SCN9A: variants seen among roughly 807,000 people sequenced by gnomAD.
SCN9A encodes the protein sodium voltage-gated channel alpha subunit 9.
In SCN9A, 131 loss-of-function variants were observed where a neutral mutation model predicts 187.0. The observed-to-expected ratio is 0.70, with a 90% CI of 0.61 to 0.81. SCN9A has a LOEUF of 0.81. SCN9A is among the 30% of genes least tolerant of loss of function. SCN9A has a pLI of 0.00. For synonymous variants in SCN9A, 809 were observed against 808.6 expected, an observed-to-expected ratio of 1.00 and a Z score of -0.01; for missense variants, 2,252 against 2,396.6, an observed-to-expected ratio of 0.94 and a Z score of 1.26.
chr2:166,358,094 A>G (rs1700194825), intron 1 of SCN9A, among the ~76,000 whole-genome samples: 1 of 149,180 alleles, frequency 6.7e-6, no homozygotes, highest in African/African-American at 2.5e-5. Flanking sequence ...TTTGAGATGG[A>G]GTCGCTCTCT....
intron 1 of SCN9A, among the ~76,000 whole-genome samples, chr2:166,313,064 T>A (rs1444806757): frequency 6.7e-6 from 1 of 148,770 alleles, no homozygotes; most frequent in African/African-American, 2.4e-5. Flanking sequence ...TATAATTATT[T>A]AATTTTCTGA....
At chr2:166,274,750 C>A (rs1377790718) in intron 16 of SCN9A, among the ~76,000 whole-genome samples, 1 of 152,038 alleles carries the variant, frequency 6.6e-6, no homozygotes, top group Non-Finnish European at 1.5e-5. Context: ...ACCAATATAT[C>A]CCCTCTGTTT....
chr2:166,275,352 C>T (rs11896007), intron 16 of SCN9A, among the ~76,000 whole-genome samples: 14,014 of 151,688 alleles, frequency 0.092, 766 homozygotes, highest in Middle Eastern at 0.14. Flanking sequence ...TGGGAGGCGA[C>T]GGAGGCTGGA....
At position 166,304,309 on chromosome 2, in the gene SCN9A, T is replaced by A; in HGVS notation, c.617A>T (p.Asn206Ile). 6.2e-7 allele frequency: 1 copy of A among 1,613,182 alleles called. No homozygotes were observed. The change falls in exon 6 of 27, where the codon AAC (asparagine) becomes ATC (isoleucine). Residue 206 changes from asparagine (N) to isoleucine (I), a missense_variant. Coordinates refer to ENST00000642356, the MANE Select transcript of SCN9A (RefSeq NM_001365536.1). Reference protein sequence around the residue: ...IVFAYLTEFVNLGNVSALRTF... With the variant: ...IVFAYLTEFVILGNVSALRTF... ...TCGAAGAGCTGAAACATTGCCTAGG[T>A]TTACAAATTCTGTTAAATACCTGTA...
At position 166,204,189 on chromosome 2, in the gene SCN9A, T is replaced by C; in HGVS notation, c.4540A>G (p.Asn1514Asp). 1 of 1,612,412 alleles carries C rather than the reference T, an allele frequency of 6.2e-7. No homozygotes were observed. Among genetic ancestry groups the C allele is most frequent in the South Asian group, 1.1e-5 (1 of 90,968 alleles). Residue 1514 changes from asparagine (N) to aspartate (D), a missense_variant, in exon 26 of 27, where the codon AAT (asparagine) becomes GAT (aspartate). Coordinates refer to ENST00000642356, the MANE Select transcript of SCN9A (RefSeq NM_001365536.1). ...ATGATACTAATATCAAAGGCTTGAT[T>C]TGTCACTAGGTCAAATATACATCCT... ...IQGCIFDLVT[N>D]QAFDISIMVL...
At chr2:166,347,043 A>G (rs1311256532) in intron 1 of SCN9A, among the ~76,000 whole-genome samples, 34 of 152,136 alleles carry the variant, frequency 2.2e-4, no homozygotes, top group Admixed American at 2.2e-3. Context: ...CTCCACATCA[A>G]TTTGCTGACA....
chr2:166,198,841 G>C lies in SCN9A; in HGVS notation c.5798C>G (p.Ala1933Gly). The C allele has an allele frequency of 6.2e-7, 1 of 1,613,562 alleles. No individual in the cohort carries two copies. The highest frequency in any genetic ancestry group is 1.1e-5 in the South Asian group (1 of 91,052). ...TGAGTTCTCATTAACATTATCAAAA[G>C]CCATATCTTTTTTATTGAGTAAATC... ...DDDLLNKKDM[A>G]FDNVNENSSP... Residue 1933 changes from alanine to glycine, a missense_variant, in exon 27 of 27, where the codon GCT becomes GGT. Around this residue, in one of 7 missense-constraint regions of SCN9A, gnomAD observed 345 missense variants for 344.6 expected, o/e 1.00. Coordinates refer to ENST00000642356, the MANE Select transcript of SCN9A (RefSeq NM_001365536.1).
At chr2:166,304,139 T>C in intron 6 of SCN9A, 99 bp downstream of exon 6, 1 of 1,613,216 alleles carries the variant, frequency 6.2e-7, no homozygotes, top group Non-Finnish European at 8.5e-7. Context: ...TAGGGGAGTT[T>C]ATACACACAG....
intron 16 of SCN9A, among the ~76,000 whole-genome samples, chr2:166,276,169 A>T (rs1336191333): frequency 2.0e-5 from 3 of 152,148 alleles, no homozygotes; most frequent in Non-Finnish European, 4.4e-5. Flanking sequence ...AAAAAAATAA[A>T]AAAAAAGTAC....
chr2:166,244,479 A>G (rs1182455854), intron 18 of SCN9A, among the ~76,000 whole-genome samples: 1 of 152,068 alleles, frequency 6.6e-6, no homozygotes, highest in Non-Finnish European at 1.5e-5. Context: ...TCTATAACTT[A>G]CCTTAAGGAA....
chr2:166,310,234 A>T (rs1488299445), intron 2 of SCN9A, among the ~76,000 whole-genome samples: 1 of 92,792 alleles, frequency 1.1e-5, no homozygotes. Flanking sequence ...TGGCAACAAA[A>T]GACAAAATTG....
chr2:166,308,237 T>A (rs990461808), intron 2 of SCN9A, among the ~76,000 whole-genome samples: 2 of 152,318 alleles, frequency 1.3e-5, no homozygotes, highest in African/African-American at 4.8e-5. Context: ...ACTGTATTTT[T>A]AAAAAATTAT....
intron 1 of SCN9A, among the ~76,000 whole-genome samples, chr2:166,354,247 G>A (rs910793997): frequency 2.6e-5 from 4 of 152,072 alleles, no homozygotes; most frequent in African/African-American, 9.7e-5. Flanking sequence ...AGGCTGATAT[G>A]TGCAAAAAAT....
In SCN9A at chr2:166,322,577, G is replaced by A. The variant is rs993252342; in HGVS notation, c.-50-10771C>T. On this transcript the variant is annotated intron_variant, in intron 1 of 26. Transcript: ENST00000642356. Reference sequence around the variant, plus strand: ...GAAGAGTTTTGCACATAATGAACACGTATTCATGGAGCTCATAAGATTATT... The same window carrying A: ...GAAGAGTTTTGCACATAATGAACACATATTCATGGAGCTCATAAGATTATT... Among the ~76,000 whole-genome samples the A allele has an allele frequency of 5.9e-5, 9 of 152,054 alleles. No individual in the cohort carries two copies. In the South Asian group the frequency reaches 1.4e-3, roughly 24 times the overall value.
rs766473760 is a variant in SCN9A at position 166,288,584 on chromosome 2, G to C, written c.1167C>G (p.Gly389=). ...GGATCAAGTTTATTAGATAAAAGGA[G>C]CCCAGGAAAATCACTACGACAAAGA... ...MIFFVVVIFL[G]SFYLINLILA... is the part of the protein sequence containing the mutation. The change falls in exon 10 of 27, where the codon GGC becomes GGG. Residue 389 remains glycine, a synonymous_variant. Transcript: ENST00000642356. 9 of 1,611,492 alleles carry C rather than the reference G, an allele frequency of 5.6e-6. No individual in the cohort carries two copies. The South Asian group carries it at 9.9e-5, about 18-fold the overall frequency.
intron 17 of SCN9A, among the ~76,000 whole-genome samples, chr2:166,260,224 T>C (rs1574823992): frequency 6.6e-6 from 1 of 151,888 alleles, no homozygotes; most frequent in South Asian, 2.1e-4. Flanking sequence ...ACAAAATGAC[T>C]ACATTTCATA....
intron 4 of SCN9A, 135 bp downstream of exon 4, chr2:166,306,375 A>T (rs1195547065): frequency 1.5e-6 from 1 of 656,496 alleles, no homozygotes; most frequent in Non-Finnish European, 2.7e-6. Context: ...GGTAAAGAAC[A>T]AAAGAAAAGC....
At chr2:166,285,192 G>A (rs6706811) in intron 11 of SCN9A, among the ~76,000 whole-genome samples, 114,447 of 152,150 alleles carry the variant, frequency 0.75, 44,070 homozygotes, top group African/African-American at 0.93. Context: ...TCAATCCCCA[G>A]GCTTCACAAA....
rs73025509 is a variant in SCN9A, at chr2:166,326,304, G to A, written c.-50-14498C>T. Among the ~76,000 whole-genome samples, 1,474 of 152,240 alleles carry A rather than the reference G, an allele frequency of 9.7e-3. 27 individuals are homozygous for A. Among genetic ancestry groups the A allele is most frequent in the African/African-American group, 0.034 (1,415 of 41,546 alleles). On this transcript the variant is annotated intron_variant, in intron 1 of 26. Transcript: ENST00000642356. ...CAAAGGTGCGAAACGATTGAATCTGGAGAATACAGGGGAAAAATAATACTT... is the reference window on the plus strand; with the variant it reads ...CAAAGGTGCGAAACGATTGAATCTGAAGAATACAGGGGAAAAATAATACTT...
Sources: gnomAD v4.1 joint callset for allele counts (sites outside exome capture counted in the v4.1 genomes callset) on GRCh38, gnomAD v4.1.1 for gene constraint, gnomAD v4.1.1 regional missense constraint, MANE v1.5 for transcripts, NCBI Gene and HGNC (gene_info 2026-07-23, HGNC 2026-07-21) for gene names.